Variants in MDFIC2 observed in about 807,000 individuals in gnomAD.
MDFIC2 encodes the protein MyoD family inhibitor domain containing 2, also known as myoD family inhibitor domain-containing protein 2.
intron 2 of MDFIC2, among the ~76,000 whole-genome samples, chr3:70,277,616 T>C (rs984574618): frequency 1.3e-5 from 2 of 152,182 alleles, no homozygotes; most frequent in Non-Finnish European, 2.9e-5. Context: ...ACTTCAAAAC[T>C]GCTACTTGGT....
chr3:70,267,473 G>C (rs893491777), intron 2 of MDFIC2, among the ~76,000 whole-genome samples: 5 of 127,362 alleles, frequency 3.9e-5, no homozygotes, highest in Non-Finnish European at 6.2e-5. Flanking sequence ...CGCGATCTCC[G>C]CTCACTGCAA....
At position 70,269,082 on chromosome 3, in the gene MDFIC2, AT is replaced by A. The variant is rs557834385; in HGVS notation, c.88+42803del. Among the ~76,000 whole-genome samples, 619 of 152,298 alleles carry A rather than the reference AT, an allele frequency of 4.1e-3. 3 individuals carry two copies. The highest frequency in any genetic ancestry group is 0.014 in the African/African-American group (592 of 41,582). ...TTATCAACCTGTCAAAAGTTAAAAA[AT>A]ATATACATATATAAAGAGTAAAGAG... On this transcript the variant is annotated intron_variant, in intron 2 of 3. Transcript: ENST00000567252.
At chr3:70,260,654 G>T (rs1016517724) in intron 2 of MDFIC2, among the ~76,000 whole-genome samples, 4 of 151,986 alleles carry the variant, frequency 2.6e-5, no homozygotes, top group African/African-American at 9.7e-5. Context: ...TACAACTTCT[G>T]TCAGACTGCC....
chr3:70,247,782 A>G (rs1220328330), intron 2 of MDFIC2, among the ~76,000 whole-genome samples: 1 of 152,036 alleles, frequency 6.6e-6, no homozygotes. Context: ...CAGAGCCTAA[A>G]GGAAGATTCA....
intron 2 of MDFIC2, among the ~76,000 whole-genome samples, chr3:70,303,406 GA>G (rs941996819): frequency 8.6e-5 from 13 of 151,746 alleles, no homozygotes; most frequent in Non-Finnish European, 1.0e-4. Context: ...AGAATAGGAG[GA>G]AAAAAAATTA....
At chr3:70,209,573 TA>T (rs1701323338) in intron 2 of MDFIC2, among the ~76,000 whole-genome samples, 1 of 152,290 alleles carries the variant, frequency 6.6e-6, no homozygotes, top group Middle Eastern at 3.4e-3. Context: ...TTACAGAGTT[TA>T]TTTAGGTAAA....
rs554378051 is a variant in MDFIC2, at chr3:70,290,437, A to G, written c.88+21449T>C. Reference sequence around the variant, plus strand: ...CCCCTTCTCAGATCTCCAGCTGCGTACTGGGAGAACCACTGCTCTCTTCAA... The same window carrying G: ...CCCCTTCTCAGATCTCCAGCTGCGTGCTGGGAGAACCACTGCTCTCTTCAA... On this transcript the variant is annotated intron_variant, in intron 2 of 3. Coordinates refer to ENST00000567252, the MANE Select transcript of MDFIC2 (RefSeq NM_001364677.1). 3.5e-4 allele frequency among the ~76,000 whole-genome samples: 53 copies of G among 152,294 alleles called. No individual in the cohort carries two copies. The South Asian group carries it at 0.011, about 30-fold the overall frequency.
intron 3 of MDFIC2, among the ~76,000 whole-genome samples, chr3:70,202,556 C>T (rs1267752145): frequency 6.6e-6 from 1 of 152,166 alleles, no homozygotes; most frequent in African/African-American, 2.4e-5. Context: ...GGCACAGGCT[C>T]TAATCACTGC....
At chr3:70,255,388 A>C (rs1411196942) in intron 2 of MDFIC2, among the ~76,000 whole-genome samples, 1 of 152,178 alleles carries the variant, frequency 6.6e-6, no homozygotes, top group African/African-American at 2.4e-5. Flanking sequence ...CATAATAAGT[A>C]GATATGGAAT....
chr3:70,197,301 A>T (rs1427605388), intron 3 of MDFIC2, 116 bp from the exon 4 acceptor site: 9 of 397,010 alleles, frequency 2.3e-5, no homozygotes, highest in Non-Finnish European at 4.0e-5. Context: ...ATTTATCCAC[A>T]TTAGGGGTAA....
At chr3:70,220,069 T>G (rs6804800) in intron 2 of MDFIC2, among the ~76,000 whole-genome samples, 1 of 152,012 alleles carries the variant, frequency 6.6e-6, no homozygotes, top group South Asian at 2.1e-4. Flanking sequence ...CAAGGAAAAC[T>G]AGATCAAATG....
chr3:70,253,121 A>G (rs1701785135), intron 2 of MDFIC2, among the ~76,000 whole-genome samples: 1 of 152,176 alleles, frequency 6.6e-6, no homozygotes. Context: ...CCTAAAATAA[A>G]AAAGTATTTT....
At chr3:70,248,903 C>G (rs1302263395) in intron 2 of MDFIC2, among the ~76,000 whole-genome samples, 1 of 152,070 alleles carries the variant, frequency 6.6e-6, no homozygotes, top group African/African-American at 2.4e-5. Context: ...AATCTACTTA[C>G]CAGGAAATGG....
intron 2 of MDFIC2, among the ~76,000 whole-genome samples, chr3:70,216,674 A>G (rs1306086141): frequency 6.6e-6 from 1 of 152,088 alleles, no homozygotes; most frequent in African/African-American, 2.4e-5. Flanking sequence ...CCTTCATCCT[A>G]AAGCTTATTG....
chr3:70,200,509 C>T (rs915067389), intron 3 of MDFIC2, among the ~76,000 whole-genome samples: 2 of 152,144 alleles, frequency 1.3e-5, no homozygotes, highest in Non-Finnish European at 2.9e-5. Context: ...ACCCTCCTGC[C>T]CCTCAACTTC....
At chr3:70,282,393 T>A (rs953436452) in intron 2 of MDFIC2, among the ~76,000 whole-genome samples, 11 of 152,126 alleles carry the variant, frequency 7.2e-5, no homozygotes, top group Non-Finnish European at 1.2e-4. Context: ...ACTTTGTAAA[T>A]CCGATCATGT....
chr3:70,260,424 A>T (rs1205217887), intron 2 of MDFIC2, among the ~76,000 whole-genome samples: 1 of 152,054 alleles, frequency 6.6e-6, no homozygotes, highest in Non-Finnish European at 1.5e-5. Context: ...AAGTCTCATT[A>T]TGAGGTAATG....
At chr3:70,276,227 A>G (rs1702024361) in intron 2 of MDFIC2, among the ~76,000 whole-genome samples, 1 of 152,180 alleles carries the variant, frequency 6.6e-6, no homozygotes, top group African/African-American at 2.4e-5. Context: ...TTCTTGCAAT[A>G]CAATTTTTTA....
intron 2 of MDFIC2, among the ~76,000 whole-genome samples, chr3:70,303,780 C>A (rs1039378424): frequency 6.6e-6 from 1 of 152,056 alleles, no homozygotes; most frequent in African/African-American, 2.4e-5. Context: ...CTCCTGGGTT[C>A]CAGAGATTCT....
Sources: allele counts gnomAD v4.1 joint callset (sites outside exome capture counted in the v4.1 genomes callset), GRCh38; gene constraint gnomAD v4.1.1; transcripts MANE v1.5; gene names NCBI Gene and HGNC (gene_info 2026-07-23, HGNC 2026-07-21).